Variants in USH2A observed in about 807,000 individuals in gnomAD.
The protein encoded by USH2A is Usher syndrome 2A (autosomal recessive, mild).
A neutral mutation model predicts 538.9 loss-of-function variants in USH2A; 443 were observed. That is an observed-to-expected ratio of 0.82 (90% CI 0.76 to 0.89). The LOEUF is 0.89. Among genes scored for constraint, USH2A ranks in the 40% least tolerant of loss-of-function variants. The pLI, the probability that USH2A is intolerant of heterozygous loss-of-function variation, is 0.00. For synonymous variants in USH2A, 2,413 were observed against 2,273.5 expected (o/e 1.06, Z -1.75); for missense variants, 6,633 against 6,324.8 (o/e 1.05, Z -1.65).
chr1:216,071,119 C>G (rs1191775348), intron 29 of USH2A, among the ~76,000 whole-genome samples: 1 of 152,128 alleles, frequency 6.6e-6, no homozygotes, highest in Non-Finnish European at 1.5e-5. Context: ...CCAAGGAACT[C>G]CGTGGCAGGA....
chr1:215,640,021 A>T (rs1437246926), intron 68 of USH2A, among the ~76,000 whole-genome samples: 1 of 152,196 alleles, frequency 6.6e-6, no homozygotes, highest in Non-Finnish European at 1.5e-5. Context: ...AAAACAAGGC[A>T]AGGAGAAAAG....
intron 4 of USH2A, among the ~76,000 whole-genome samples, chr1:216,354,549 C>T (rs918107757): frequency 3.3e-5 from 5 of 152,056 alleles, no homozygotes; most frequent in Middle Eastern, 3.4e-3. Flanking sequence ...GTCTACAAAA[C>T]GGCCAAATGA....
Position 216,422,364 on chromosome 1 carries a change from T to TAA in USH2A, c.-30_-29dup. On this transcript the variant is annotated 5_prime_UTR_variant, in exon 2 of 72. An upstream open reading frame in the 5' UTR loses its in-frame stop. Transcript: ENST00000307340. The stretch of plus-strand genomic sequence containing the variant: ...TTACAAAAAAGCATTCTCCTCCTGA[T>TAA]AAAGCATTTCTAAATAAATAATCAG... 1 of 1,613,326 alleles carries TAA rather than the reference T, an allele frequency of 6.2e-7. No homozygotes were observed. Among genetic ancestry groups the TAA allele is most frequent in the Non-Finnish European group, 8.5e-7 (1 of 1,179,728 alleles).
chr1:216,423,174 T>G (rs374081239), intron 1 of USH2A, 40 bp downstream of exon 1: 5 of 152,332 alleles, frequency 3.3e-5, no homozygotes, highest in Admixed American at 2.0e-4. Context: ...GGATCCCTAA[T>G]ACTGTGCAAG....
At chr1:216,145,235 C>G (rs181734184) in intron 21 of USH2A, among the ~76,000 whole-genome samples, 2 of 152,144 alleles carry the variant, frequency 1.3e-5, no homozygotes, top group Non-Finnish European at 2.9e-5. Context: ...AATTCTCATG[C>G]GAACAGAATC....
chr1:215,697,608 G>A (rs1455327669), intron 61 of USH2A, among the ~76,000 whole-genome samples: 3 of 151,852 alleles, frequency 2.0e-5, no homozygotes, highest in South Asian at 2.1e-4. Flanking sequence ...TGCAATCTCC[G>A]CCTCCCGGGT....
intron 69 of USH2A, among the ~76,000 whole-genome samples, chr1:215,638,372 C>T (rs1332410891): frequency 1.3e-5 from 2 of 152,178 alleles, no homozygotes; most frequent in Non-Finnish European, 2.9e-5. Context: ...GTAATTCCAA[C>T]ACTTTGGGAG....
At chr1:216,127,041 C>G (rs1433835729) in intron 21 of USH2A, among the ~76,000 whole-genome samples, 1 of 152,180 alleles carries the variant, frequency 6.6e-6, no homozygotes, top group East Asian at 1.9e-4. Context: ...ATACAACTAT[C>G]TTAGCTATGG....
At position 216,314,370 on chromosome 1, in the gene USH2A, A is replaced by T. The variant is rs76549282; in HGVS notation, c.1644+7513T>A. Among the ~76,000 whole-genome samples the T allele has an allele frequency of 4.2e-4, 64 of 152,244 alleles. No individual in the cohort carries two copies. The East Asian group carries it at 0.012, about 28-fold the overall frequency. The stretch of plus-strand genomic sequence containing the variant: ...CCTTGACTTACTAAACATATATCAA[A>T]TGTAGATCCTATAATATGAACTGTG... On this transcript the variant is annotated intron_variant, in intron 9 of 71. Coordinates refer to ENST00000307340, the MANE Select transcript of USH2A (RefSeq NM_206933.4).
At chr1:216,220,990 A>G (rs2035448418) in intron 14 of USH2A, among the ~76,000 whole-genome samples, 1 of 152,202 alleles carries the variant, frequency 6.6e-6, no homozygotes, top group African/African-American at 2.4e-5. Flanking sequence ...CAAATTGGAG[A>G]AATTCGGCAG....
chr1:216,002,859 A>G (rs1243597455), intron 32 of USH2A, among the ~76,000 whole-genome samples: 1 of 152,122 alleles, frequency 6.6e-6, no homozygotes, highest in Non-Finnish European at 1.5e-5. Context: ...AGGTATCTCA[A>G]GGTAGGACTT....
At chr1:216,360,488 G>A (rs1047779152) in intron 4 of USH2A, among the ~76,000 whole-genome samples, 3 of 152,038 alleles carry the variant, frequency 2.0e-5, no homozygotes, top group East Asian at 1.9e-4. Flanking sequence ...GATACTTGTC[G>A]TTGTACAACA....
At chr1:216,330,213 A>G (rs1478970964) in intron 4 of USH2A, among the ~76,000 whole-genome samples, 1 of 152,168 alleles carries the variant, frequency 6.6e-6, no homozygotes, top group East Asian at 1.9e-4. Context: ...ACGAGTGCCA[A>G]AAGTACAATC....
At chr1:216,090,705 G>A (rs17026059) in intron 22 of USH2A, among the ~76,000 whole-genome samples, 1,998 of 152,004 alleles carry the variant, frequency 0.013, 40 homozygotes, top group African/African-American at 0.046. Flanking sequence ...AACTGGTGTC[G>A]TGCCCAATTA....
chr1:215,908,532 C>T (rs1465288313), intron 38 of USH2A, among the ~76,000 whole-genome samples: 1 of 151,724 alleles, frequency 6.6e-6, no homozygotes. Context: ...AACAATGATC[C>T]ATAATTACAC....
At chr1:216,139,898 G>A (rs952281372) in intron 21 of USH2A, among the ~76,000 whole-genome samples, 1 of 152,116 alleles carries the variant, frequency 6.6e-6, no homozygotes, top group African/African-American at 2.4e-5. Flanking sequence ...AACATATATA[G>A]GAATTGTTTT....
At chr1:216,395,759 T>G (rs932494671) in intron 3 of USH2A, among the ~76,000 whole-genome samples, 1 of 152,186 alleles carries the variant, frequency 6.6e-6, no homozygotes, top group Non-Finnish European at 1.5e-5. Context: ...GGTTTGCTAC[T>G]GGCATCTAGT....
chr1:216,186,102 GA>G (rs2034595085), intron 20 of USH2A, among the ~76,000 whole-genome samples: 2 of 147,456 alleles, frequency 1.4e-5, no homozygotes, highest in South Asian at 2.1e-4. Flanking sequence ...ATTTTTTCCA[GA>G]AAAAAACAAA....
chr1:215,918,155 T>A (rs1666008567), intron 38 of USH2A, among the ~76,000 whole-genome samples: 1 of 152,088 alleles, frequency 6.6e-6, no homozygotes, highest in Non-Finnish European at 1.5e-5. Flanking sequence ...AGATTGGTTA[T>A]AAAAGTCATT....
Sources: gnomAD v4.1 joint callset for allele counts (sites outside exome capture counted in the v4.1 genomes callset) on GRCh38, gnomAD v4.1.1 for gene constraint, MANE v1.5 for transcripts, NCBI Gene and HGNC (gene_info 2026-07-23, HGNC 2026-07-21) for gene names.